CACNB2: variants seen among roughly 807,000 people sequenced by gnomAD.
The protein encoded by CACNB2 is calcium voltage-gated channel auxiliary subunit beta 2.
Under a neutral mutation model 73.3 loss-of-function variants are expected in CACNB2, and 42 were observed. That is an observed-to-expected ratio of 0.57 (90% CI 0.45 to 0.74). The LOEUF (loss-of-function observed/expected upper bound fraction) is 0.74, where lower values mean the gene tolerates loss of function less well. CACNB2 is among the 30% of genes least tolerant of loss of function. The pLI is 0.00. For missense variants in CACNB2, 940 were observed against 853.0 expected, an observed-to-expected ratio of 1.10 and a Z score of -1.27; for synonymous variants, 348 against 310.3, an observed-to-expected ratio of 1.12 and a Z score of -1.28.
At chr10:18,393,900 C>T (rs1462889994) in intron 2 of CACNB2, among the ~76,000 whole-genome samples, 2 of 152,022 alleles carry the variant, frequency 1.3e-5, no homozygotes, top group Non-Finnish European at 2.9e-5. Context: ...TAAAATGAGC[C>T]CTCGGTGTAC....
intron 3 of CACNB2, among the ~76,000 whole-genome samples, chr10:18,405,880 G>A (rs539244636): frequency 1.3e-5 from 2 of 152,054 alleles, no homozygotes; most frequent in Non-Finnish European, 1.5e-5. Flanking sequence ...ATCACTTGAC[G>A]CTGGGAGGGA....
intron 2 of CACNB2, among the ~76,000 whole-genome samples, chr10:18,161,567 A>T (rs1310262874): frequency 1.3e-5 from 2 of 151,852 alleles, no homozygotes; most frequent in African/African-American, 4.8e-5. Context: ...TTGCCATGGA[A>T]AGATTTGTTG....
intron 2 of CACNB2, among the ~76,000 whole-genome samples, chr10:18,253,083 C>G (rs1292116965): frequency 6.6e-6 from 1 of 152,290 alleles, no homozygotes; most frequent in Middle Eastern, 3.4e-3. Context: ...CTTGACTTCA[C>G]AGTGCCTCAA....
intron 2 of CACNB2, among the ~76,000 whole-genome samples, chr10:18,200,483 T>C (rs1232868376): frequency 1.3e-5 from 2 of 151,782 alleles, no homozygotes; most frequent in African/African-American, 4.8e-5. Flanking sequence ...AGAATGAGCA[T>C]AAATATAAAT....
chr10:18,312,528 T>C (rs1241852849), intron 2 of CACNB2, among the ~76,000 whole-genome samples: 2 of 152,158 alleles, frequency 1.3e-5, no homozygotes, highest in Non-Finnish European at 2.9e-5. Flanking sequence ...TCGATGACTA[T>C]AAGGAGATAC....
intron 3 of CACNB2, among the ~76,000 whole-genome samples, chr10:18,496,419 C>T (rs1040376970): frequency 3.7e-4 from 57 of 152,160 alleles, no homozygotes; most frequent in African/African-American, 1.4e-3. Context: ...GTTCTCTCTA[C>T]TCCAACTCCC....
intron 3 of CACNB2, among the ~76,000 whole-genome samples, chr10:18,403,383 A>G (rs1003280853): frequency 2.2e-4 from 33 of 152,242 alleles, no homozygotes; most frequent in Non-Finnish European, 7.4e-5. Context: ...TCTGAATTCT[A>G]TATTCTATAT....
intron 2 of CACNB2, among the ~76,000 whole-genome samples, chr10:18,167,735 G>A (rs1416264178): frequency 1.3e-5 from 2 of 152,014 alleles, no homozygotes; most frequent in African/African-American, 4.8e-5. Flanking sequence ...GCCGTTGGGG[G>A]GAGAAGTAGT....
At chr10:18,475,053 C>T (rs149607072) in intron 3 of CACNB2, among the ~76,000 whole-genome samples, 7 of 149,802 alleles carry the variant, frequency 4.7e-5, no homozygotes, top group East Asian at 3.9e-4. Context: ...AGAGAACAGC[C>T]GACTTACTAG....
chr10:18,220,273 AG>A (rs1233555848), intron 2 of CACNB2, among the ~76,000 whole-genome samples: 9 of 120,302 alleles, frequency 7.5e-5, no homozygotes, highest in Non-Finnish European at 6.8e-5. Flanking sequence ...AGAGAGAGAG[AG>A]AAAGAGAGAG....
intron 8 of CACNB2, 34 bp from the exon 9 acceptor site, chr10:18,518,876 G>A: frequency 6.3e-7 from 1 of 1,588,336 alleles, no homozygotes; most frequent in East Asian, 2.2e-5. Flanking sequence ...ATTTTTTTTG[G>A]TCATATCTTA....
At chr10:18,533,958 T>C in intron 10 of CACNB2, 118 bp from the exon 11 acceptor site, 1 of 861,942 alleles carries the variant, frequency 1.2e-6, no homozygotes, top group East Asian at 2.6e-5. Context: ...TCAATTCTAT[T>C]GCCTGTAAGC....
intron 3 of CACNB2, among the ~76,000 whole-genome samples, chr10:18,459,263 T>G (rs548719710): frequency 1.2e-4 from 18 of 152,228 alleles, no homozygotes; most frequent in Non-Finnish European, 2.4e-4. Context: ...CTAGAAACAT[T>G]AGACCAATTG....
intron 2 of CACNB2, among the ~76,000 whole-genome samples, chr10:18,199,695 A>G (rs1174739537): frequency 6.6e-6 from 1 of 152,170 alleles, no homozygotes; most frequent in African/African-American, 2.4e-5. Flanking sequence ...GATTAGGGTA[A>G]TCATCTGACG....
At chr10:18,301,614 T>G (rs2039512752) in intron 2 of CACNB2, among the ~76,000 whole-genome samples, 1 of 150,746 alleles carries the variant, frequency 6.6e-6, no homozygotes, top group Non-Finnish European at 1.5e-5. Context: ...CGAAACAAGC[T>G]GTTCAGGTAA....
intron 2 of CACNB2, among the ~76,000 whole-genome samples, chr10:18,361,973 A>G (rs1055299296): frequency 3.3e-5 from 5 of 152,060 alleles, no homozygotes; most frequent in African/African-American, 4.8e-5. Flanking sequence ...CTTCCATATT[A>G]TTACTGCTAC....
At chr10:18,253,037 A>G (rs969451538) in intron 2 of CACNB2, among the ~76,000 whole-genome samples, 3 of 152,356 alleles carry the variant, frequency 2.0e-5, no homozygotes, top group East Asian at 3.9e-4. Flanking sequence ...ACATCTGGAT[A>G]GAAGTTCTAA....
In CACNB2 at chr10:18,498,419, T is replaced by C. The variant is rs1438895143; in HGVS notation, c.398T>C (p.Val133Ala). Residue 133 changes from valine to alanine, a missense_variant, in exon 4 of 14, where the codon GTT becomes GCT. Transcript: ENST00000324631. ...VSYSAAHEDD[V>A]PVPGMAISFE... Reference sequence around the variant, plus strand: ...TACAGTGCGGCCCATGAAGATGATGTTCCAGTGCCTGGCATGGCCATCTCA... The same window carrying C: ...TACAGTGCGGCCCATGAAGATGATGCTCCAGTGCCTGGCATGGCCATCTCA... 6.2e-7 allele frequency: 1 copy of C among 1,614,130 alleles called. No individual in the cohort carries two copies. The highest frequency in any genetic ancestry group is 1.1e-5 in the South Asian group (1 of 91,072).
At chr10:18,301,244 T>G (rs1407664240) in intron 2 of CACNB2, among the ~76,000 whole-genome samples, 1 of 152,180 alleles carries the variant, frequency 6.6e-6, no homozygotes, top group East Asian at 1.9e-4. Flanking sequence ...TGACGTGAGC[T>G]GACTTTGCGC....
Sources: gnomAD v4.1 joint callset for allele counts (sites outside exome capture counted in the v4.1 genomes callset) on GRCh38, gnomAD v4.1.1 for gene constraint, MANE v1.5 for transcripts, NCBI Gene and HGNC (gene_info 2026-07-23, HGNC 2026-07-21) for gene names.